The following BIRC6 variants were observed in gnomAD, a reference collection of about 807,000 sequenced individuals.
BIRC6 encodes the protein dual E2 ubiquitin-conjugating enzyme/E3 ubiquitin-protein ligase BIRC6.
Under a neutral mutation model 503.3 loss-of-function variants are expected in BIRC6, and 98 were observed. That is an observed-to-expected ratio of 0.19 (90% CI 0.17 to 0.23). The LOEUF is 0.23. Among genes scored for constraint, BIRC6 ranks in the 10% least tolerant of loss-of-function variants. The pLI, the probability that BIRC6 is intolerant of heterozygous loss-of-function variation, is 1.00. For missense variants in BIRC6, 5,360 were observed against 5,806.0 expected, an observed-to-expected ratio of 0.92 and a Z score of 2.50; for synonymous variants, 2,240 against 2,078.7, an observed-to-expected ratio of 1.08 and a Z score of -2.11.
chr2:32,478,523 C>T, intron 35 of BIRC6, 112 bp from the exon 36 acceptor site: 1 of 856,854 alleles, frequency 1.2e-6, no homozygotes, highest in Non-Finnish European at 1.7e-6. Flanking sequence ...CAGACTCATA[C>T]ATCATTGTTG....
intron 5 of BIRC6, among the ~76,000 whole-genome samples, chr2:32,394,605 G>C (rs997620156): frequency 6.6e-6 from 1 of 152,178 alleles, no homozygotes; most frequent in African/African-American, 2.4e-5. Flanking sequence ...GCCAAGGCAG[G>C]AGGATCGCTT....
At chr2:32,572,372 G>C (rs989544697) in intron 65 of BIRC6, among the ~76,000 whole-genome samples, 5 of 152,138 alleles carry the variant, frequency 3.3e-5, no homozygotes, top group South Asian at 4.1e-4. Context: ...TTTGATTATG[G>C]TATTACTGGT....
intron 26 of BIRC6, among the ~76,000 whole-genome samples, chr2:32,466,008 G>A (rs565797552): frequency 6.6e-6 from 1 of 152,210 alleles, no homozygotes; most frequent in East Asian, 1.9e-4. Flanking sequence ...ATGAGCAGTT[G>A]TTTACACTGT....
At chr2:32,497,208 C>T (rs745559112) in intron 45 of BIRC6, among the ~76,000 whole-genome samples, 6 of 152,154 alleles carry the variant, frequency 3.9e-5, no homozygotes, top group Non-Finnish European at 8.8e-5. Context: ...TGAGATCTCA[C>T]TATGTTGCCC....
intron 9 of BIRC6, among the ~76,000 whole-genome samples, chr2:32,407,733 G>A (rs1346814667): frequency 6.6e-6 from 1 of 151,926 alleles, no homozygotes; most frequent in Non-Finnish European, 1.5e-5. Context: ...GGACAATTTT[G>A]GGTTAATCTT....
chr2:32,583,638 G>GT (rs1270497411), intron 66 of BIRC6, among the ~76,000 whole-genome samples: 2 of 152,130 alleles, frequency 1.3e-5, no homozygotes, highest in Non-Finnish European at 2.9e-5. Context: ...AATTAAAGGT[G>GT]TTTTTTTAAG....
intron 33 of BIRC6, among the ~76,000 whole-genome samples, chr2:32,474,316 CTTTT>C (rs1244606603): frequency 6.6e-6 from 1 of 152,066 alleles, no homozygotes; most frequent in Non-Finnish European, 1.5e-5. Context: ...ATTACCTTTT[CTTTT>C]TGAGACCTTT....
chr2:32,606,466 G>GCTACTTGT (rs1412655996), intron 71 of BIRC6, among the ~76,000 whole-genome samples: 40 of 152,038 alleles, frequency 2.6e-4, no homozygotes, highest in Admixed American at 9.8e-4. Context: ...GGTGATGCAC[G>GCTACTTGT]CCTATAGTCC....
At chr2:32,578,269 A>T (rs763371471) in intron 66 of BIRC6, among the ~76,000 whole-genome samples, 4 of 152,066 alleles carry the variant, frequency 2.6e-5, no homozygotes, top group Non-Finnish European at 5.9e-5. Context: ...GAGTTCACAA[A>T]ATAATCCATT....
intron 1 of BIRC6, among the ~76,000 whole-genome samples, chr2:32,358,644 A>G (rs2033572880): frequency 6.6e-6 from 1 of 152,244 alleles, no homozygotes; most frequent in Admixed American, 6.5e-5. Context: ...CGAACAAGGA[A>G]AAGTTTACTA....
chr2:32,401,692 TTC>T (rs1317446496), intron 8 of BIRC6, 69 bp downstream of exon 8: 1 of 1,368,780 alleles, frequency 7.3e-7, no homozygotes, highest in Non-Finnish European at 9.9e-7. Context: ...ATTCTCATAG[TTC>T]TAATAATTAA....
chr2:32,365,320 A>C (rs2034732630), intron 1 of BIRC6, among the ~76,000 whole-genome samples: 1 of 124,606 alleles, frequency 8.0e-6, no homozygotes, highest in Non-Finnish European at 1.6e-5. Flanking sequence ...ACAGTCAATA[A>C]ATGTTACTTT....
intron 1 of BIRC6, among the ~76,000 whole-genome samples, chr2:32,373,374 C>A (rs2149303308): frequency 6.6e-6 from 1 of 152,164 alleles, no homozygotes; most frequent in Non-Finnish European, 1.5e-5. Context: ...AGCAAAGTAC[C>A]AGCATAAAGA....
chr2:32,372,047 C>T (rs528578528), intron 1 of BIRC6, among the ~76,000 whole-genome samples: 53 of 152,168 alleles, frequency 3.5e-4, no homozygotes, highest in African/African-American at 1.2e-3. Context: ...TCAAGTGATC[C>T]GCCCGCCTCG....
intron 57 of BIRC6, chr2:32,521,830 T>C (rs2055755663): frequency 6.6e-6 from 1 of 152,138 alleles, no homozygotes; most frequent in South Asian, 2.1e-4. Context: ...TGTTTGCTTT[T>C]ACAAATTTCT....
At chr2:32,533,433 GAGA>G (rs1256370743) in intron 61 of BIRC6, among the ~76,000 whole-genome samples, 1 of 152,174 alleles carries the variant, frequency 6.6e-6, no homozygotes, top group Non-Finnish European at 1.5e-5. Context: ...TATAAATTGA[GAGA>G]AGAACTGTTG....
rs1233144480 is a variant in BIRC6, at chr2:32,594,047, G to T, written c.13488G>T (p.Arg4496=). 2 of 1,609,932 alleles carry T rather than the reference G, an allele frequency of 1.2e-6. No individual in the cohort carries two copies. Among genetic ancestry groups the T allele is most frequent in the African/African-American group, 2.7e-5 (2 of 74,804 alleles). The change falls in exon 67 of 74, where the codon CGG becomes CGT. Residue 4496 remains arginine, a synonymous_variant. Transcript: ENST00000421745. ...TTTATGCAGCCACCACCAGTTTGCG[G>T]CAAGCAAATCAGGGTACAAAACTTT... ...EIVYAATTSL[R]QANQEKKLGE...
chr2:32,421,144 G>A (rs1264228630), intron 10 of BIRC6, among the ~76,000 whole-genome samples: 2 of 136,184 alleles, frequency 1.5e-5, no homozygotes, highest in African/African-American at 2.8e-5. Flanking sequence ...GAGTTTCACT[G>A]TCGCCAGGCT....
chr2:32,538,159 C>T (rs1310594301), intron 61 of BIRC6, among the ~76,000 whole-genome samples: 1 of 152,014 alleles, frequency 6.6e-6, no homozygotes, highest in Admixed American at 6.5e-5. Context: ...ACTTAAGCCA[C>T]AGTCATATTG....
Sources: gnomAD v4.1 joint callset for allele counts (sites outside exome capture counted in the v4.1 genomes callset) on GRCh38, gnomAD v4.1.1 for gene constraint, MANE v1.5 for transcripts, NCBI Gene and HGNC (gene_info 2026-07-23, HGNC 2026-07-21) for gene names.